The following PIN1 variants were observed in gnomAD, a reference collection of about 807,000 sequenced individuals.
PIN1 encodes the protein peptidyl-prolyl cis-trans isomerase NIMA-interacting 1.
PIN1 carries 8 observed loss-of-function variants against 19.9 expected under a neutral mutation model. The observed-to-expected ratio is 0.40, with a 90% CI of 0.24 to 0.72. PIN1 has a LOEUF of 0.72. Among genes scored for constraint, PIN1 ranks in the 30% least tolerant of loss-of-function variants. The probability of loss-of-function intolerance (pLI) is 0.37; values close to 1 mark genes in which losing one functional copy is unlikely to be tolerated. For synonymous variants in PIN1, 86 were observed against 90.8 expected, an observed-to-expected ratio of 0.95 and a Z score of 0.30; for missense variants, 185 against 226.5, an observed-to-expected ratio of 0.82 and a Z score of 1.18.
intron 3 of PIN1, chr19:9,848,463 G>A: frequency 2.8e-6 from 1 of 352,798 alleles, no homozygotes; most frequent in South Asian, 2.8e-5. Context: ...CCTTTTTGTG[G>A]TTTAAGGTTG....
chr19:9,845,092 C>T (rs1424972429), intron 2 of PIN1, among the ~76,000 whole-genome samples: 1 of 152,124 alleles, frequency 6.6e-6, no homozygotes, highest in Non-Finnish European at 1.5e-5. Flanking sequence ...TGATGAGTTT[C>T]AGGCAGGACA....
Position 9,838,467 on chromosome 19 carries a change from C to T in PIN1, c.90C>T (p.Asn30=), listed in dbSNP as rs1300551711. 5.6e-6 allele frequency: 9 copies of T among 1,608,116 alleles called. No individual in the cohort carries two copies. Among genetic ancestry groups the T allele is most frequent in the African/African-American group, 2.7e-5 (2 of 74,878 alleles). The change falls in exon 2 of 4, where the codon AAC becomes AAT. Residue 30 remains asparagine (N), a synonymous_variant. Transcript: ENST00000247970. The surrounding 1 kb of genome is among the most constrained non-coding windows in gnomAD (Gnocchi z 5.8). ...GRVYYFNHIT[N]ASQWERPSGN... ...TGTACTACTTCAACCACATCACTAA[C>T]GCCAGCCAGTGGGAGCGGCCCAGCG...
In PIN1 at chr19:9,846,837, C is replaced by G. The variant is rs1009606440; in HGVS notation, c.272-1193C>G. ...GAAGTGTCAGGGTGACATTAAGAAA[C>G]CCCCTACTGAGTGTGTCAGGGTGAC... On this transcript the variant is annotated intron_variant, in intron 2 of 3. Coordinates refer to ENST00000247970, the MANE Select transcript of PIN1 (RefSeq NM_006221.4). The surrounding 1 kb of genome is among the most constrained non-coding windows in gnomAD (Gnocchi z 5.9). 3.3e-5 allele frequency among the ~76,000 whole-genome samples: 5 copies of G among 152,144 alleles called. No individual in the cohort carries two copies. The highest frequency in any genetic ancestry group is 1.2e-4 in the African/African-American group (5 of 41,428).
Position 9,838,686 on chromosome 19 carries a change from T to C in PIN1, c.271+38T>C, listed in dbSNP as rs772139387. ...AGGGCAGGGGCTTGGGAGGGGGTCT[T>C]CTCCCAGGTGAGCCTTTGTAGAAGT... On this transcript the variant is annotated intron_variant, in intron 2 of 3. Transcript: ENST00000247970. This position sits in a 1 kb window ranked among gnomAD's most constrained non-coding sequence, Gnocchi z 5.8. 68 of 1,450,680 alleles carry C rather than the reference T, an allele frequency of 4.7e-5. No homozygotes were observed. The highest frequency in any genetic ancestry group is 6.4e-5 in the Non-Finnish European group (68 of 1,070,350). The allele number at this position is 1,450,680 out of a possible 1,614,324, so 89.9% of individuals were successfully genotyped here.
intron 2 of PIN1, among the ~76,000 whole-genome samples, chr19:9,842,843 C>G (rs563588865): frequency 6.6e-6 from 1 of 152,212 alleles, no homozygotes; most frequent in South Asian, 2.1e-4. Flanking sequence ...GATCAGGAGA[C>G]CATGATTTGG....
Position 9,838,736 on chromosome 19 carries a change from T to A in PIN1, c.271+88T>A, listed in dbSNP as rs1292396613. Reference sequence around the variant, plus strand: ...TCACATCAGACCCTTCACCCCAGCTTGCTCAGCTGCCAGGCGTGGTGTTGG... The same window carrying A: ...TCACATCAGACCCTTCACCCCAGCTAGCTCAGCTGCCAGGCGTGGTGTTGG... On this transcript the variant is annotated intron_variant, in intron 2 of 3. Transcript: ENST00000247970. The surrounding 1 kb of genome is among the most constrained non-coding windows in gnomAD (Gnocchi z 5.8). The A allele has an allele frequency of 6.4e-6, 7 of 1,100,846 alleles. No individual in the cohort carries two copies. Among genetic ancestry groups the A allele is most frequent in the Non-Finnish European group, 9.1e-6 (7 of 767,938 alleles). 68.2% of individuals were successfully genotyped at this position (1,100,846 alleles called of 1,614,324 possible).
In PIN1 at chr19:9,846,747, A is replaced by G. The variant is rs1044674569; in HGVS notation, c.272-1283A>G. On this transcript the variant is annotated intron_variant, in intron 2 of 3. Transcript: ENST00000247970. This position sits in a 1 kb window ranked among gnomAD's most constrained non-coding sequence, Gnocchi z 5.9. ...CTCCAGGCCAGTGTATCAGCTATGT[A>G]TGTCCTGGGCAAGTTGGCCGGCAGG... is the stretch of plus-strand genomic sequence containing the variant. Among the ~76,000 whole-genome samples, 1 of 151,984 alleles carries G rather than the reference A, an allele frequency of 6.6e-6. No individual in the cohort carries two copies. The highest frequency in any genetic ancestry group is 1.5e-5 in the Non-Finnish European group (1 of 67,960).
intron 2 of PIN1, among the ~76,000 whole-genome samples, chr19:9,845,844 T>A (rs1275695843): frequency 2.6e-5 from 4 of 152,130 alleles, no homozygotes; most frequent in Non-Finnish European, 4.4e-5. Flanking sequence ...CCCTGGCCGC[T>A]GGGGGCTGTG....
At chr19:9,836,817 G>A (rs2046111341) in intron 1 of PIN1, 2 of 1,286,640 alleles carry the variant, frequency 1.6e-6, no homozygotes, top group African/African-American at 3.0e-5. Flanking sequence ...TGTGTGCCTG[G>A]AACAGAGTAA....
chr19:9,844,196 A>G (rs902359443), intron 2 of PIN1, among the ~76,000 whole-genome samples: 1 of 152,124 alleles, frequency 6.6e-6, no homozygotes, highest in Non-Finnish European at 1.5e-5. Context: ...GGTGACACAA[A>G]CATTGAGTCC....
rs1026373999 is a variant in PIN1 at position 9,838,986 on chromosome 19, A to G, written c.271+338A>G. Among the ~76,000 whole-genome samples, 2 of 152,148 alleles carry G rather than the reference A, an allele frequency of 1.3e-5. No individual in the cohort carries two copies. Among genetic ancestry groups the G allele is most frequent in the Non-Finnish European group, 2.9e-5 (2 of 68,032 alleles). ...ACTCAGCTTTCTCTGTAAAATGGGC[A>G]TCCTCTAAGGACCATTGTGAAGGTT... is the stretch of plus-strand genomic sequence containing the variant. On this transcript the variant is annotated intron_variant, in intron 2 of 3. Transcript: ENST00000247970. This position sits in a 1 kb window ranked among gnomAD's most constrained non-coding sequence, Gnocchi z 5.8.
At chr19:9,848,289 A>C (rs2046242173) in intron 3 of PIN1, 149 bp downstream of exon 3, 2 of 639,500 alleles carry the variant, frequency 3.1e-6, no homozygotes, top group Non-Finnish European at 5.7e-6. Context: ...CAGGCTTCAG[A>C]GGCTGCTCTG....
In PIN1 at chr19:9,848,213, G is replaced by A. The variant is rs750773650; in HGVS notation, c.382+73G>A. ...GAGGGGTAGAGGCCAGGAGGGTCTG[G>A]GCATTGGGCTCCCAGGTGCCACACC... On this transcript the variant is annotated intron_variant, in intron 3 of 3. Coordinates refer to ENST00000247970, the MANE Select transcript of PIN1 (RefSeq NM_006221.4). The A allele has an allele frequency of 1.5e-5, 13 of 878,258 alleles. No individual in the cohort carries two copies. The East Asian group carries it at 3.0e-4, about 20-fold the overall frequency. The allele number at this position is 878,258 out of a possible 1,614,324, so 54.4% of individuals were successfully genotyped here. A position where few individuals can be genotyped will look rare whatever the true frequency, so the allele number is the denominator to read the frequency against.
rs1223168131 is a variant in PIN1 at position 9,838,545 on chromosome 19, C to T, written c.168C>T (p.Arg56=). 6.3e-7 allele frequency: 1 copy of T among 1,585,086 alleles called. No individual in the cohort carries two copies. Among genetic ancestry groups the T allele is most frequent in the Non-Finnish European group, 8.6e-7 (1 of 1,167,324 alleles). Reference sequence around the variant, plus strand: ...GGCAGGGGGAGCCTGCCAGGGTCCGCTGCTCGCACCTGCTGGTGAAGCACA... The same window carrying T: ...GGCAGGGGGAGCCTGCCAGGGTCCGTTGCTCGCACCTGCTGGTGAAGCACA... ...KNGQGEPARV[R]CSHLLVKHSQ... is the part of the protein sequence containing the mutation. Residue 56 remains arginine, a synonymous_variant, in exon 2 of 4, where the codon CGC becomes CGT. Transcript: ENST00000247970. The surrounding 1 kb of genome is among the most constrained non-coding windows in gnomAD (Gnocchi z 5.8).
intron 1 of PIN1, chr19:9,836,512 C>T (rs1402638329): frequency 8.8e-6 from 2 of 228,228 alleles, no homozygotes; most frequent in South Asian, 5.6e-5. Context: ...GGATGCTCTG[C>T]CCAGCTCTGG....
chr19:9,840,319 G>A (rs2046152861), intron 2 of PIN1, among the ~76,000 whole-genome samples: 1 of 152,140 alleles, frequency 6.6e-6, no homozygotes, highest in Non-Finnish European at 1.5e-5. Flanking sequence ...CCCGGGAGGT[G>A]GAGCTTGCAG....
chr19:9,840,269 G>T (rs1319607884), intron 2 of PIN1, among the ~76,000 whole-genome samples: 1 of 152,108 alleles, frequency 6.6e-6, no homozygotes, highest in Non-Finnish European at 1.5e-5. Context: ...GGCACCTGTA[G>T]TCCCAGCTAC....
At chr19:9,836,890 T>C (rs763758259) in intron 1 of PIN1, 73 of 1,273,644 alleles carry the variant, frequency 5.7e-5, no homozygotes, top group Non-Finnish European at 7.1e-5. Context: ...GGTCTCCGTT[T>C]TGCCATCTAT....
chr19:9,847,941 C>A, intron 2 of PIN1, 89 bp from the exon 3 acceptor site: 1 of 821,116 alleles, frequency 1.2e-6, no homozygotes. Flanking sequence ...CTGCCTCCCC[C>A]GCTGGCCAGC....
Sources: allele counts gnomAD v4.1 joint callset (sites outside exome capture counted in the v4.1 genomes callset), GRCh38; gene constraint gnomAD v4.1.1; non-coding constraint Gnocchi (gnomAD v3.1); transcripts MANE v1.5; gene names NCBI Gene and HGNC (gene_info 2026-07-23, HGNC 2026-07-21).